The following GDI2 variants were observed in gnomAD, a reference collection of about 807,000 sequenced individuals.
GDI2 encodes GDP dissociation inhibitor 2.
GDI2 carries 22 observed loss-of-function variants against 54.2 expected under a neutral mutation model. The ratio of observed to expected loss-of-function variants is 0.41; its 90% confidence interval spans 0.29 to 0.58. GDI2 has a LOEUF of 0.58. Ranked by LOEUF, GDI2 falls within the 20% of genes least tolerant of loss-of-function variation. The probability of loss-of-function intolerance (pLI) is 0.35; values close to 1 mark genes in which losing one functional copy is unlikely to be tolerated. For missense variants in GDI2, 422 were observed against 546.0 expected (o/e 0.77, Z 2.26); for synonymous variants, 177 against 182.1 (o/e 0.97, Z 0.23).
At position 5,813,264 on chromosome 10, in the gene GDI2, G is replaced by C; in HGVS notation, c.-6C>G. 1.3e-6 allele frequency: 2 copies of C among 1,573,900 alleles called. No individual in the cohort carries two copies. Among genetic ancestry groups the C allele is most frequent in the Admixed American group, 1.8e-5 (1 of 55,402 alleles). ...ACGTCGTACTCCTCATTCATGGCGGGGCAGGCGCGGACGCAGGACCCGAGC... is the reference window on the plus strand; with the variant it reads ...ACGTCGTACTCCTCATTCATGGCGGCGCAGGCGCGGACGCAGGACCCGAGC... On this transcript the variant is annotated 5_prime_UTR_variant, in exon 1 of 11. Transcript: ENST00000380191.
rs768053339 is a variant in GDI2 at position 5,794,909 on chromosome 10, T to C, written c.364A>G (p.Thr122Ala). Residue 122 changes from threonine (T) to alanine (A), a missense_variant, in exon 4 of 11, where the codon ACT (threonine) becomes GCT (alanine). By Grantham distance (58) the Thr-to-Ala change is moderately conservative (BLOSUM62 0). Transcript: ENST00000380191. Reference sequence around the variant, plus strand: ...CTAGATGCCAGGGCTTCTGCTTCAGTGGAAGGAACCTTGTAGATTTTTCCA... The same window carrying C: ...CTAGATGCCAGGGCTTCTGCTTCAGCGGAAGGAACCTTGTAGATTTTTCCA... ...KGGKIYKVPS[T>A]EAEALASSLM... is the part of the protein sequence containing the mutation. The C allele has an allele frequency of 3.7e-6, 6 of 1,606,304 alleles. No individual in the cohort carries two copies. The highest frequency in any genetic ancestry group is 8.5e-7 in the Non-Finnish European group (1 of 1,173,658).
At chr10:5,780,177 C>G (rs1317039593) in intron 6 of GDI2, among the ~76,000 whole-genome samples, 2 of 149,894 alleles carry the variant, frequency 1.3e-5, no homozygotes, top group Non-Finnish European at 3.0e-5. Context: ...CCACTGCACT[C>G]TAGCATGGGT....
At chr10:5,791,607 C>T (rs868171428) in intron 4 of GDI2, among the ~76,000 whole-genome samples, 1 of 151,914 alleles carries the variant, frequency 6.6e-6, no homozygotes, top group African/African-American at 2.4e-5. Flanking sequence ...ATTAGCCAGG[C>T]GTGGTGGTGC....
intron 6 of GDI2, among the ~76,000 whole-genome samples, chr10:5,780,204 G>A (rs1840721321): frequency 7.3e-6 from 1 of 136,738 alleles, no homozygotes; most frequent in Non-Finnish European, 1.6e-5. Flanking sequence ...GTAAGATCGT[G>A]TCTCCAAAAA....
intron 1 of GDI2, among the ~76,000 whole-genome samples, chr10:5,809,426 T>C (rs1033997571): frequency 1.3e-5 from 2 of 152,150 alleles, no homozygotes; most frequent in Non-Finnish European, 2.9e-5. Context: ...ATTCCCTACA[T>C]ACATCCTTGA....
In GDI2 at chr10:5,797,677, T is replaced by C. The variant is rs113895843; in HGVS notation, c.154-815A>G. 3.9e-3 allele frequency among the ~76,000 whole-genome samples: 580 copies of C among 149,256 alleles called. 4 individuals are homozygous for C. The highest frequency in any genetic ancestry group is 0.014 in the African/African-American group (543 of 39,846). On this transcript the variant is annotated intron_variant, in intron 2 of 10. Transcript: ENST00000380191. ...ATCACATGAATCTGGGAGGTGGAGG[T>C]TGCAGTGAGCTGGGATGGCACCACT...
At chr10:5,777,357 C>T (rs960561483) in intron 6 of GDI2, among the ~76,000 whole-genome samples, 3 of 152,252 alleles carry the variant, frequency 2.0e-5, no homozygotes, top group African/African-American at 7.2e-5. Flanking sequence ...CCTGAAATCC[C>T]AGCTACTCAG....
At position 5,773,897 on chromosome 10, in the gene GDI2, A is replaced by T. The variant is rs761818808; in HGVS notation, c.764T>A (p.Ile255Asn). 2.6e-6 allele frequency: 4 copies of T among 1,567,674 alleles called. No homozygotes were observed. Among genetic ancestry groups the T allele is most frequent in the Non-Finnish European group, 3.5e-6 (4 of 1,142,008 alleles). The change falls in exon 7 of 11, where the codon ATT becomes AAT. Residue 255 changes from isoleucine (I) to asparagine (N), a missense_variant. Physicochemically the swap from Ile to Asn is moderately radical, Grantham distance 149. Coordinates refer to ENST00000380191, the MANE Select transcript of GDI2 (RefSeq NM_001494.4). ...TCCATTCTGTACAATGATTTCTTCA[A>T]TGGGTTTATTCAGCATATAGGTACC... Reference protein sequence around the residue: ...YGGTYMLNKPIEEIIVQNGKV... With the variant: ...YGGTYMLNKPNEEIIVQNGKV...
At chr10:5,785,438 A>C (rs1840852579) in intron 5 of GDI2, among the ~76,000 whole-genome samples, 165 bp from the exon 6 acceptor site, 1 of 152,066 alleles carries the variant, frequency 6.6e-6, no homozygotes, top group African/African-American at 2.4e-5. Context: ...GCAGTGGTGC[A>C]ATCTCGGCTC....
intron 4 of GDI2, among the ~76,000 whole-genome samples, chr10:5,793,945 C>T (rs571906156): frequency 6.6e-6 from 1 of 151,726 alleles, no homozygotes; most frequent in East Asian, 1.9e-4. Flanking sequence ...AGGTGAAACA[C>T]CTGAGGTCAG....
At position 5,768,191 on chromosome 10, in the gene GDI2, T is replaced by C; in HGVS notation, c.991+22A>G. 1.3e-6 allele frequency: 2 copies of C among 1,587,856 alleles called. No individual in the cohort carries two copies. The highest frequency in any genetic ancestry group is 8.6e-7 in the Non-Finnish European group (1 of 1,157,640). ...TATATCTTACAAAATTCTACCAACA[T>C]CTGCTGGTCTTCAAACCTCACCTGA... On this transcript the variant is annotated intron_variant, in intron 8 of 10. Coordinates refer to ENST00000380191, the MANE Select transcript of GDI2 (RefSeq NM_001494.4). The surrounding 1 kb of genome is among the most constrained non-coding windows in gnomAD (Gnocchi z 4.4).
chr10:5,794,988 C>G lies in GDI2; in HGVS notation c.285G>C (p.Glu95Asp), dbSNP rs1841114431. ...GQLVKMLLYT[E>D]VTRYLDFKVT... is the part of the protein sequence containing the mutation. ...CTTTAAAATCCAGATAGCGAGTTACCTCTGTATAAAGCAGCATCTTAACCA... is the reference window on the plus strand; with the variant it reads ...CTTTAAAATCCAGATAGCGAGTTACGTCTGTATAAAGCAGCATCTTAACCA... Residue 95 changes from glutamate to aspartate, a missense_variant, in exon 4 of 11, where the codon GAG becomes GAC. Physicochemically the swap from Glu to Asp is conservative, Grantham distance 45. Transcript: ENST00000380191. 1.3e-6 allele frequency: 2 copies of G among 1,592,712 alleles called. No individual in the cohort carries two copies. Among genetic ancestry groups the G allele is most frequent in the Admixed American group, 1.7e-5 (1 of 59,936 alleles).
intron 1 of GDI2, among the ~76,000 whole-genome samples, chr10:5,801,451 TG>T (rs1200064561): frequency 6.6e-6 from 1 of 150,508 alleles, no homozygotes; most frequent in Non-Finnish European, 1.5e-5. Context: ...CCAGGGGAGG[TG>T]GATCACCTGA....
At chr10:5,809,244 C>CAAAAAAAAAACAAG (rs1554791052) in intron 1 of GDI2, among the ~76,000 whole-genome samples, 1 of 134,170 alleles carries the variant, frequency 7.5e-6, no homozygotes, top group African/African-American at 2.8e-5. Context: ...GACTCCATCT[C>CAAAAAAAAAACAAG]AAAAAAAAAC....
rs145524434 is a variant in GDI2 at position 5,786,007 on chromosome 10, T to A, written c.432A>T (p.Leu144=). Residue 144 remains leucine, a synonymous_variant, in exon 5 of 11, where the codon CTA becomes CTT. Transcript: ENST00000380191. ...LFEKRRFRKF[L]VYVANFDEKD... ...TTTCATCGAAGTTGGCAACATACACTAGGAATTTCCTGAAGCGACGTTTTT... is the reference window on the plus strand; with the variant it reads ...TTTCATCGAAGTTGGCAACATACACAAGGAATTTCCTGAAGCGACGTTTTT... The A allele has an allele frequency of 6.2e-7, 1 of 1,613,654 alleles. No homozygotes were observed. Among genetic ancestry groups the A allele is most frequent in the African/African-American group, 1.3e-5 (1 of 74,860 alleles).
chr10:5,796,141 G>A (rs1472454512), intron 3 of GDI2, among the ~76,000 whole-genome samples: 1 of 151,946 alleles, frequency 6.6e-6, no homozygotes, highest in Non-Finnish European at 1.5e-5. Context: ...CTTGATGTCA[G>A]GAGTTCAAGA....
chr10:5,788,521 C>G (rs143295465), intron 4 of GDI2, among the ~76,000 whole-genome samples: 23 of 152,192 alleles, frequency 1.5e-4, no homozygotes, highest in Admixed American at 2.6e-4. Context: ...TTTGGCTTCC[C>G]TGGGCCACGT....
Position 5,785,979 on chromosome 10 carries a change from C to G in GDI2, c.460G>C (p.Asp154His). The change falls in exon 5 of 11, where the codon GAT becomes CAT. Residue 154 changes from aspartate to histidine, a missense_variant. Physicochemically the swap from Asp to His is moderately conservative, Grantham distance 81. Coordinates refer to ENST00000380191, the MANE Select transcript of GDI2 (RefSeq NM_001494.4). The stretch of plus-strand genomic sequence containing the variant: ...TCAATGCCTTCAAAAGTTCTTGGAT[C>G]TTTTTCATCGAAGTTGGCAACATAC... ...LVYVANFDEK[D>H]PRTFEGIDPK... is the part of the protein sequence containing the mutation. The G allele has an allele frequency of 6.2e-7, 1 of 1,613,518 alleles. No individual in the cohort carries two copies. Among genetic ancestry groups the G allele is most frequent in the Non-Finnish European group, 8.5e-7 (1 of 1,179,526 alleles).
At chr10:5,790,026 C>T (rs568146405) in intron 4 of GDI2, among the ~76,000 whole-genome samples, 11 of 152,290 alleles carry the variant, frequency 7.2e-5, no homozygotes, top group South Asian at 6.2e-4. Flanking sequence ...TATTTTTCAT[C>T]GTGTTTAGTG....
Sources: gnomAD v4.1 joint callset for allele counts (sites outside exome capture counted in the v4.1 genomes callset) on GRCh38, gnomAD v4.1.1 for gene constraint, Gnocchi (gnomAD v3.1) non-coding constraint, MANE v1.5 for transcripts, NCBI Gene and HGNC (gene_info 2026-07-23, HGNC 2026-07-21) for gene names.